The following NCOA1 variants were observed in gnomAD, a reference collection of about 807,000 sequenced individuals.
NCOA1 encodes Hin-2 protein.
A neutral mutation model predicts 150.9 loss-of-function variants in NCOA1; 35 were observed. That is an observed-to-expected ratio of 0.23 (90% confidence interval 0.18 to 0.31). The LOEUF (loss-of-function observed/expected upper bound fraction) is 0.31, where lower values mean the gene tolerates loss of function less well. Among genes scored for constraint, NCOA1 ranks in the 10% least tolerant of loss-of-function variants. The pLI, the probability that NCOA1 is intolerant of heterozygous loss-of-function variation, is 1.00. For missense variants in NCOA1, 1,491 were observed against 1,749.3 expected, an observed-to-expected ratio of 0.85 and a Z score of 2.63; for synonymous variants, 590 against 630.0, an observed-to-expected ratio of 0.94 and a Z score of 0.95.
rs573250539 is a variant in NCOA1 at position 24,542,807 on chromosome 2, A to G, written c.-395-21488A>G. ...TAACTTTTTACTTTTTCTGAAGAAT[A>G]TATCCAAGAGAATACTCTTTAGAAT... On this transcript the variant is annotated intron_variant, in intron 1 of 22. Transcript: ENST00000348332. Among the ~76,000 whole-genome samples, 7 of 152,356 alleles carry G rather than the reference A, an allele frequency of 4.6e-5. No homozygotes were observed. The East Asian group carries it at 5.8e-4, about 13-fold the overall frequency.
chr2:24,642,607 A>G (rs564933899), intron 3 of NCOA1, among the ~76,000 whole-genome samples: 53 of 152,320 alleles, frequency 3.5e-4, no homozygotes, highest in African/African-American at 1.2e-3. Context: ...ACACTTAACT[A>G]TACAACTCAG....
At chr2:24,696,134 G>T (rs55969325) in intron 10 of NCOA1, among the ~76,000 whole-genome samples, 3,787 of 152,228 alleles carry the variant, frequency 0.025, 76 homozygotes, top group Non-Finnish European at 0.037. Flanking sequence ...TTGAGTTTCA[G>T]TTTATTTTCT....
At chr2:24,584,271 TTTTG>T (rs1383755991) in intron 2 of NCOA1, among the ~76,000 whole-genome samples, 1 of 152,188 alleles carries the variant, frequency 6.6e-6, no homozygotes, top group Non-Finnish European at 1.5e-5. Context: ...ATATATACAA[TTTTG>T]TTTTTGTTTG....
rs1673478221 is a variant in NCOA1, at chr2:24,706,976, G to A, written c.1506G>A (p.Arg502=). Residue 502 remains arginine (R), a synonymous_variant, in exon 13 of 23, where the codon AGG becomes AGA. Coordinates refer to ENST00000348332, the MANE Select transcript of NCOA1 (RefSeq NM_003743.5). ...QVTSGLATRP[R]MPNNSFPPNI... is the part of the protein sequence containing the mutation. Reference sequence around the variant, plus strand: ...CTTCTGGATTGGCAACAAGGCCCAGGATGCCAAACAATTCCTTTCCTCCTA... The same window carrying A: ...CTTCTGGATTGGCAACAAGGCCCAGAATGCCAAACAATTCCTTTCCTCCTA... 1 of 1,614,134 alleles carries A rather than the reference G, an allele frequency of 6.2e-7. No homozygotes were observed. Among genetic ancestry groups the A allele is most frequent in the Non-Finnish European group, 8.5e-7 (1 of 1,180,026 alleles).
rs755850933 is a variant in NCOA1 at position 24,707,614 on chromosome 2, C to G, written c.2144C>G (p.Ala715Gly). 2 of 1,614,190 alleles carry G rather than the reference C, an allele frequency of 1.2e-6. No individual in the cohort carries two copies. Among genetic ancestry groups the G allele is most frequent in the East Asian group, 4.5e-5 (2 of 44,880 alleles). The change falls in exon 13 of 23, where the codon GCA becomes GGA. Residue 715 changes from alanine (A) to glycine (G), a missense_variant. Around this residue, in one of 8 missense-constraint regions of NCOA1, gnomAD observed 703 missense variants for 717.7 expected, o/e 0.98. Coordinates refer to ENST00000348332, the MANE Select transcript of NCOA1 (RefSeq NM_003743.5). The stretch of plus-strand genomic sequence containing the variant: ...GTCGAGCCTGATAAAAAGGACAGTG[C>G]ATCTACTTCTGTGTCAGTGACTGGA... ...LSVEPDKKDS[A>G]STSVSVTGQV... is the part of the protein sequence containing the mutation.
chr2:24,661,187 C>T (rs1671169989), intron 5 of NCOA1, among the ~76,000 whole-genome samples: 2 of 152,122 alleles, frequency 1.3e-5, no homozygotes, highest in South Asian at 4.1e-4. Context: ...TATCACTGTT[C>T]TCTTCTCATG....
At chr2:24,518,132 A>G (rs1314804191) in intron 1 of NCOA1, among the ~76,000 whole-genome samples, 1 of 152,180 alleles carries the variant, frequency 6.6e-6, no homozygotes, top group Non-Finnish European at 1.5e-5. Flanking sequence ...TAAAAAGTAT[A>G]ATACATTATG....
In NCOA1 at chr2:24,768,626, G is replaced by T. The variant is rs182366285; in HGVS notation, c.*235G>T. On this transcript the variant is annotated 3_prime_UTR_variant, in exon 23 of 23. Transcript: ENST00000348332. ...TGGATATTGAAAAAATACCAAGGCA[G>T]AACAGTTGGACAATCTATTTCTTGA... is the stretch of plus-strand genomic sequence containing the variant. The T allele has an allele frequency of 3.1e-4, 97 of 311,098 alleles. 1 individual carries two copies. The East Asian group carries it at 4.7e-3, about 15-fold the overall frequency. 19.3% of individuals were successfully genotyped at this position (311,098 alleles called of 1,614,324 possible). A position where few individuals can be genotyped will look rare whatever the true frequency, so the allele number is the denominator to read the frequency against.
chr2:24,723,806 AT>A (rs1453606940), intron 14 of NCOA1, among the ~76,000 whole-genome samples: 1 of 152,206 alleles, frequency 6.6e-6, no homozygotes, highest in Non-Finnish European at 1.5e-5. Flanking sequence ...TTTGAAAAAA[AT>A]AAAACACTGT....
intron 3 of NCOA1, among the ~76,000 whole-genome samples, chr2:24,624,793 A>G (rs1669333814): frequency 6.6e-6 from 1 of 152,246 alleles, no homozygotes; most frequent in Non-Finnish European, 1.5e-5. Flanking sequence ...AACAGTTCTT[A>G]TAAGTGGATT....
chr2:24,722,566 T>C (rs1051193526), intron 14 of NCOA1, among the ~76,000 whole-genome samples: 4 of 152,108 alleles, frequency 2.6e-5, no homozygotes, highest in African/African-American at 9.7e-5. Context: ...TGTGGACTGG[T>C]TGAGATAGTT....
In NCOA1 at chr2:24,745,423, A is replaced by G. The variant is rs543058979; in HGVS notation, c.3706+3237A>G. On this transcript the variant is annotated intron_variant, in intron 19 of 22. Transcript: ENST00000348332. Reference sequence around the variant, plus strand: ...GTGATCCACCCACCTCGGCCTCCCAAAGTGCTGGGATTACAGGCGTGAGCC... The same window carrying G: ...GTGATCCACCCACCTCGGCCTCCCAGAGTGCTGGGATTACAGGCGTGAGCC... 6.6e-5 allele frequency among the ~76,000 whole-genome samples: 10 copies of G among 152,066 alleles called. No homozygotes were observed. In the East Asian group the frequency reaches 1.9e-3, roughly 29 times the overall value.
intron 3 of NCOA1, among the ~76,000 whole-genome samples, chr2:24,639,535 G>A (rs1670084423): frequency 6.6e-6 from 1 of 151,718 alleles, no homozygotes; most frequent in African/African-American, 2.4e-5. Context: ...CCATTGATTA[G>A]AATATTAAAT....
At chr2:24,755,501 T>A in intron 20 of NCOA1, among the ~76,000 whole-genome samples, 1 of 152,266 alleles carries the variant, frequency 6.6e-6, no homozygotes, top group East Asian at 1.9e-4. Flanking sequence ...CCTTCTCTTT[T>A]TCCCATCATT....
intron 1 of NCOA1, among the ~76,000 whole-genome samples, chr2:24,545,670 A>G (rs1184348581): frequency 6.6e-6 from 1 of 152,238 alleles, no homozygotes; most frequent in Non-Finnish European, 1.5e-5. Flanking sequence ...ATATAGCATT[A>G]AAGAATGTTG....
chr2:24,557,084 A>T (rs902120593), intron 1 of NCOA1, among the ~76,000 whole-genome samples: 1 of 148,446 alleles, frequency 6.7e-6, no homozygotes, highest in Non-Finnish European at 1.5e-5. Flanking sequence ...ACTAGATGAG[A>T]GTAGCAGCCA....
intron 3 of NCOA1, among the ~76,000 whole-genome samples, chr2:24,642,037 T>TGTGTGTGTGTGTGTGTGCGCAC (rs942145000): frequency 7.2e-6 from 1 of 138,452 alleles, no homozygotes; most frequent in African/African-American, 2.6e-5. Flanking sequence ...TGTGTGTGTG[T>TGTGTGTGTGTGTGTGTGCGCAC]GCGCGCGTGC....
intron 8 of NCOA1, among the ~76,000 whole-genome samples, chr2:24,689,779 T>C (rs1672578620): frequency 6.6e-6 from 1 of 152,230 alleles, no homozygotes; most frequent in Non-Finnish European, 1.5e-5. Context: ...ATTCAGTACA[T>C]GAGAAGAGAG....
At chr2:24,689,415 C>CT (rs201291904) in intron 8 of NCOA1, among the ~76,000 whole-genome samples, 6,551 of 146,040 alleles carry the variant, frequency 0.045, 231 homozygotes, top group East Asian at 0.2. Context: ...TTAACGAATC[C>CT]TTTTTTTTTT....
Sources: gnomAD v4.1 joint callset for allele counts (sites outside exome capture counted in the v4.1 genomes callset) on GRCh38, gnomAD v4.1.1 for gene constraint, gnomAD v4.1.1 regional missense constraint, MANE v1.5 for transcripts, NCBI Gene and HGNC (gene_info 2026-07-23, HGNC 2026-07-21) for gene names.